DIAPH3: variants seen among roughly 807,000 people sequenced by gnomAD.
DIAPH3 encodes the protein protein diaphanous homolog 3.
DIAPH3 carries 117 observed loss-of-function variants against 144.3 expected under a neutral mutation model. The ratio of observed to expected loss-of-function variants is 0.81; its 90% CI spans 0.70 to 0.95. DIAPH3 has a LOEUF of 0.95. Among genes scored for constraint, DIAPH3 ranks in the 40% least tolerant of loss-of-function variants. The pLI is 0.00. For synonymous variants in DIAPH3, 519 were observed against 488.9 expected, an observed-to-expected ratio of 1.06 and a Z score of -0.81; for missense variants, 1,421 against 1,412.7, an observed-to-expected ratio of 1.01 and a Z score of -0.09.
intron 27 of DIAPH3, among the ~76,000 whole-genome samples, chr13:59,765,197 T>A (rs1393679115): frequency 6.6e-6 from 1 of 152,220 alleles, no homozygotes; most frequent in Non-Finnish European, 1.5e-5. Context: ...GTATTTTAAG[T>A]ACAGTCCAAG....
At chr13:59,872,654 G>C (rs1476229789) in intron 21 of DIAPH3, among the ~76,000 whole-genome samples, 1 of 152,220 alleles carries the variant, frequency 6.6e-6, no homozygotes, top group African/African-American at 2.4e-5. Context: ...ACTTCTTAGA[G>C]TATCAGGAAT....
At chr13:59,871,199 G>GA (rs1161990655) in intron 21 of DIAPH3, among the ~76,000 whole-genome samples, 8 of 145,164 alleles carry the variant, frequency 5.5e-5, no homozygotes, top group Admixed American at 2.0e-4. Flanking sequence ...TTTTTTTGGG[G>GA]GGGGGGGTGG....
At chr13:59,786,026 G>A (rs994894969) in intron 25 of DIAPH3, among the ~76,000 whole-genome samples, 1 of 152,008 alleles carries the variant, frequency 6.6e-6, no homozygotes, top group Non-Finnish European at 1.5e-5. Context: ...TAAAACATAC[G>A]GCTTGCTGGA....
chr13:59,882,243 C>G (rs1007212180), intron 20 of DIAPH3, among the ~76,000 whole-genome samples: 4 of 152,022 alleles, frequency 2.6e-5, no homozygotes, highest in African/African-American at 9.7e-5. Flanking sequence ...CATGAGCCAC[C>G]ACGCCCGGCT....
At chr13:60,136,166 T>C (rs2059268347) in intron 1 of DIAPH3, among the ~76,000 whole-genome samples, 1 of 152,182 alleles carries the variant, frequency 6.6e-6, no homozygotes, top group African/African-American at 2.4e-5. Flanking sequence ...TACAAAACTA[T>C]AAGGGTAATA....
chr13:60,128,650 A>AT (rs2059055204), intron 2 of DIAPH3, among the ~76,000 whole-genome samples: 1 of 152,166 alleles, frequency 6.6e-6, no homozygotes. Flanking sequence ...TACATATAAT[A>AT]AAGAATAGAC....
intron 12 of DIAPH3, among the ~76,000 whole-genome samples, chr13:59,986,784 C>T (rs1170987344): frequency 2.0e-5 from 3 of 150,068 alleles, no homozygotes; most frequent in African/African-American, 7.3e-5. Context: ...GATATCATCT[C>T]ACACCAGTTA....
intron 27 of DIAPH3, among the ~76,000 whole-genome samples, chr13:59,722,202 A>G (rs1225766505): frequency 6.6e-6 from 1 of 152,210 alleles, no homozygotes; most frequent in Non-Finnish European, 1.5e-5. Context: ...ATAATGATTT[A>G]ACCTACAGAG....
intron 1 of DIAPH3, among the ~76,000 whole-genome samples, chr13:60,139,805 A>C (rs540439756): frequency 2.6e-5 from 4 of 152,322 alleles, no homozygotes; most frequent in African/African-American, 9.6e-5. Context: ...AAAAGGAAAA[A>C]TATAATGGCT....
In DIAPH3 at chr13:59,833,274, A is replaced by G. The variant is rs1029660130; in HGVS notation, c.2863-3T>C. 13 of 1,603,434 alleles carry G rather than the reference A, an allele frequency of 8.1e-6. No individual in the cohort carries two copies. In the Middle Eastern group the frequency reaches 6.8e-4, roughly 83 times the overall value. On this transcript the variant is annotated splice_region_variant and splice_polypyrimidine_tract_variant and intron_variant, in intron 23 of 27. Coordinates refer to ENST00000400324, the MANE Select transcript of DIAPH3 (RefSeq NM_001042517.2). The stretch of plus-strand genomic sequence containing the variant: ...TCTTTTGCACTGATAACAAATCTGT[A>G]TACTATAGTTAAGGTATTCTGAAAT...
chr13:59,875,284 G>A (rs2044544492), intron 21 of DIAPH3, among the ~76,000 whole-genome samples: 1 of 152,094 alleles, frequency 6.6e-6, no homozygotes, highest in African/African-American at 2.4e-5. Context: ...ACTACATTTG[G>A]AGGATTTTTT....
At position 60,017,921 on chromosome 13, in the gene DIAPH3, A is replaced by G. The variant is rs960264357; in HGVS notation, c.627-1776T>C. ...TATCAGCGACACACAGATTATCTGTAGGCATTTTGAATCTTGTTTTTATGT... is the reference window on the plus strand; with the variant it reads ...TATCAGCGACACACAGATTATCTGTGGGCATTTTGAATCTTGTTTTTATGT... On this transcript the variant is annotated intron_variant, in intron 5 of 27. Coordinates refer to ENST00000400324, the MANE Select transcript of DIAPH3 (RefSeq NM_001042517.2). 2.6e-5 allele frequency among the ~76,000 whole-genome samples: 4 copies of G among 152,236 alleles called. No homozygotes were observed. In the East Asian group the frequency reaches 7.7e-4, roughly 29 times the overall value.
At position 59,826,145 on chromosome 13, in the gene DIAPH3, G is replaced by A. The variant is rs993195884; in HGVS notation, c.3027+6962C>T. ...CAAGACAGGGATGCCCTCTCTCACC[G>A]CTCCTATTCAACATAGTGTTGGAAG... On this transcript the variant is annotated intron_variant, in intron 24 of 27. Coordinates refer to ENST00000400324, the MANE Select transcript of DIAPH3 (RefSeq NM_001042517.2). Among the ~76,000 whole-genome samples, 53 of 151,756 alleles carry A rather than the reference G, an allele frequency of 3.5e-4. 1 individual carries two copies. The highest frequency in any genetic ancestry group is 1.7e-3 in the East Asian group (9 of 5,146).
chr13:60,151,222 A>G (rs1951767043), intron 1 of DIAPH3, among the ~76,000 whole-genome samples: 1 of 152,218 alleles, frequency 6.6e-6, no homozygotes, highest in Non-Finnish European at 1.5e-5. Flanking sequence ...TCACATATTA[A>G]TTGTGCTGTG....
At chr13:59,782,184 T>C (rs1041058125) in intron 25 of DIAPH3, among the ~76,000 whole-genome samples, 1 of 152,014 alleles carries the variant, frequency 6.6e-6, no homozygotes, top group Non-Finnish European at 1.5e-5. Context: ...GAAAACAAAG[T>C]ATATTTACAT....
At chr13:59,752,392 C>G (rs1381527228) in intron 27 of DIAPH3, among the ~76,000 whole-genome samples, 2 of 144,668 alleles carry the variant, frequency 1.4e-5, no homozygotes, top group Non-Finnish European at 3.0e-5. Flanking sequence ...TTTTGAGACA[C>G]AGTCTCGCTC....
chr13:59,974,590 A>C (rs1209338831), intron 14 of DIAPH3, 134 bp from the exon 15 acceptor site: 1 of 831,364 alleles, frequency 1.2e-6, no homozygotes, highest in Admixed American at 2.3e-5. Flanking sequence ...AAGGAGTGAT[A>C]GAGTTTTGAA....
intron 17 of DIAPH3, among the ~76,000 whole-genome samples, chr13:59,946,885 C>A (rs1034096531): frequency 6.6e-6 from 1 of 152,064 alleles, no homozygotes; most frequent in African/African-American, 2.4e-5. Flanking sequence ...AAAATGGATG[C>A]TGAAGTGTTG....
intron 15 of DIAPH3, among the ~76,000 whole-genome samples, chr13:59,971,752 TC>T (rs1249823940): frequency 1.3e-5 from 2 of 152,188 alleles, no homozygotes; most frequent in Non-Finnish European, 2.9e-5. Flanking sequence ...CATGATCTAG[TC>T]CCTGCTATCT....
Sources: gnomAD v4.1 joint callset for allele counts (sites outside exome capture counted in the v4.1 genomes callset) on GRCh38, gnomAD v4.1.1 for gene constraint, MANE v1.5 for transcripts, NCBI Gene and HGNC (gene_info 2026-07-23, HGNC 2026-07-21) for gene names.